The following ARHGAP42 variants were observed in gnomAD, a reference collection of about 807,000 sequenced individuals.
The protein encoded by ARHGAP42 is rho GTPase-activating protein 42.
Under a neutral mutation model 125.0 loss-of-function variants are expected in ARHGAP42, and 63 were observed. The ratio of observed to expected loss-of-function variants is 0.50; its 90% CI spans 0.41 to 0.62. The LOEUF is 0.62. Ranked by LOEUF, ARHGAP42 falls within the 20% of genes least tolerant of loss-of-function variation. The pLI, the probability that ARHGAP42 is intolerant of heterozygous loss-of-function variation, is 0.00. For synonymous variants in ARHGAP42, 339 were observed against 351.0 expected, an observed-to-expected ratio of 0.97 and a Z score of 0.38; for missense variants, 766 against 1,024.2, an observed-to-expected ratio of 0.75 and a Z score of 3.44.
chr11:100,909,642 A>AT (rs1866856249), intron 4 of ARHGAP42, among the ~76,000 whole-genome samples: 1 of 151,962 alleles, frequency 6.6e-6, no homozygotes, highest in Admixed American at 6.6e-5. Flanking sequence ...GCCTTCTAGG[A>AT]TTTTTATAGT....
chr11:100,891,335 TAA>T (rs1364719435), intron 4 of ARHGAP42, among the ~76,000 whole-genome samples: 1 of 152,088 alleles, frequency 6.6e-6, no homozygotes, highest in Non-Finnish European at 1.5e-5. Flanking sequence ...GTGTTCAGTC[TAA>T]AAACATTTAT....
At chr11:100,702,774 C>T (rs776127526) in intron 1 of ARHGAP42, among the ~76,000 whole-genome samples, 2 of 151,446 alleles carry the variant, frequency 1.3e-5, no homozygotes, top group Non-Finnish European at 2.9e-5. Context: ...CAGGTTCAAG[C>T]GATTCTCCTG....
At chr11:100,875,938 A>T (rs768048200) in intron 4 of ARHGAP42, among the ~76,000 whole-genome samples, 37 of 152,262 alleles carry the variant, frequency 2.4e-4, no homozygotes, top group Non-Finnish European at 4.1e-4. Flanking sequence ...TGTGGTTGTT[A>T]TCTTGTTACA....
intron 3 of ARHGAP42, among the ~76,000 whole-genome samples, chr11:100,806,814 A>AT (rs1423727815): frequency 6.9e-6 from 1 of 145,376 alleles, no homozygotes; most frequent in Non-Finnish European, 1.5e-5. Flanking sequence ...TCATTTTTAA[A>AT]TTTTTTATTT....
At chr11:100,889,588 A>G (rs1866172144) in intron 4 of ARHGAP42, among the ~76,000 whole-genome samples, 1 of 152,160 alleles carries the variant, frequency 6.6e-6, no homozygotes, top group Non-Finnish European at 1.5e-5. Flanking sequence ...GACTAAGACA[A>G]CGAGGTTAAA....
chr11:100,792,734 C>T (rs1035788187), intron 2 of ARHGAP42, among the ~76,000 whole-genome samples: 16 of 146,778 alleles, frequency 1.1e-4, no homozygotes, highest in African/African-American at 4.0e-4. Flanking sequence ...CAGGAATTAA[C>T]AATTGACTTG....
chr11:100,879,941 A>T (rs1002475487), intron 4 of ARHGAP42, among the ~76,000 whole-genome samples: 1 of 152,000 alleles, frequency 6.6e-6, no homozygotes, highest in Non-Finnish European at 1.5e-5. Context: ...AAGTCATTGA[A>T]CCCTCATCCC....
At chr11:100,960,327 C>G (rs1255917169) in intron 13 of ARHGAP42, among the ~76,000 whole-genome samples, 14 of 151,788 alleles carry the variant, frequency 9.2e-5, no homozygotes, top group Non-Finnish European at 2.1e-4. Context: ...TGATTTGTCA[C>G]TGCCACAGTT....
intron 1 of ARHGAP42, among the ~76,000 whole-genome samples, chr11:100,725,528 C>CA (rs199785620): frequency 0.011 from 1,622 of 152,008 alleles, 23 homozygotes; most frequent in African/African-American, 0.036. Context: ...CATGGAGAAT[C>CA]ACGCCTGTAA....
At chr11:100,756,483 A>C (rs1366804559) in intron 1 of ARHGAP42, among the ~76,000 whole-genome samples, 1 of 152,192 alleles carries the variant, frequency 6.6e-6, no homozygotes, top group South Asian at 2.1e-4. Flanking sequence ...TAAAATTTGT[A>C]GTATTTGTGG....
chr11:100,751,277 GTGTTTTTTT>G (rs1862447984), intron 1 of ARHGAP42, among the ~76,000 whole-genome samples: 1 of 121,624 alleles, frequency 8.2e-6, no homozygotes. Context: ...GTGTGTGTGT[GTGTTTTTTT>G]TTTTTTTTTT....
Position 100,795,144 on chromosome 11 carries a change from TAGA to T in ARHGAP42, c.298_300del (p.Glu100del). The T allele has an allele frequency of 6.5e-7, 1 of 1,544,070 alleles. No individual in the cohort carries two copies. The highest frequency in any genetic ancestry group is 8.7e-7 in the Non-Finnish European group (1 of 1,143,522). ...GAATTTGCAAGACTACTCATTGCAG[TAGA>T]AGAAGAAAGGCGAAGACTGGTAAGT... is the stretch of plus-strand genomic sequence containing the variant. On this transcript the variant is annotated inframe_deletion, in exon 3 of 24. Coordinates refer to ENST00000298815, the MANE Select transcript of ARHGAP42 (RefSeq NM_152432.4).
intron 2 of ARHGAP42, among the ~76,000 whole-genome samples, chr11:100,793,795 G>A (rs1022585175): frequency 3.9e-5 from 6 of 152,094 alleles, no homozygotes; most frequent in South Asian, 2.1e-4. Flanking sequence ...TGTATGGCCC[G>A]GTGCAATGGC....
At chr11:100,702,970 T>TTTGTGTTCTAA (rs1227979070) in intron 1 of ARHGAP42, among the ~76,000 whole-genome samples, 5 of 152,038 alleles carry the variant, frequency 3.3e-5, no homozygotes, top group Non-Finnish European at 7.4e-5. Flanking sequence ...TGCCTGGATA[T>TTTGTGTTCTAA]TTGTGTTCTA....
intron 11 of ARHGAP42, among the ~76,000 whole-genome samples, chr11:100,948,897 C>T (rs1192108927): frequency 6.6e-6 from 1 of 152,058 alleles, no homozygotes; most frequent in East Asian, 1.9e-4. Context: ...GAGTGATGAA[C>T]AAGGTTCAGG....
chr11:100,977,005 C>T (rs1293189866), intron 21 of ARHGAP42, 34 bp downstream of exon 21: 15 of 1,548,538 alleles, frequency 9.7e-6, no homozygotes, highest in Non-Finnish European at 1.3e-5. Flanking sequence ...CTGTGTCTCC[C>T]AGGGATACAG....
rs201928061 is a variant in ARHGAP42 at position 100,801,593 on chromosome 11, A to AT, written c.312+6435dup. 2.3e-3 allele frequency among the ~76,000 whole-genome samples: 349 copies of AT among 152,054 alleles called. 1 individual carries two copies. The highest frequency in any genetic ancestry group is 4.8e-3 in the Admixed American group (73 of 15,250). ...CTCCTTCTAACTTTAAATATTGAGG[A>AT]TTTTTTTTGTTTTGTTTTGTTGTTT... On this transcript the variant is annotated intron_variant, in intron 3 of 23. Coordinates refer to ENST00000298815, the MANE Select transcript of ARHGAP42 (RefSeq NM_152432.4).
intron 3 of ARHGAP42, among the ~76,000 whole-genome samples, chr11:100,840,342 G>A (rs568850261): frequency 2.0e-5 from 3 of 152,164 alleles, no homozygotes; most frequent in African/African-American, 7.2e-5. Context: ...ATTAAGTTTG[G>A]AAATGTTCCT....
intron 1 of ARHGAP42, among the ~76,000 whole-genome samples, chr11:100,697,477 CG>C (rs1201785245): frequency 6.6e-6 from 1 of 152,158 alleles, no homozygotes; most frequent in African/African-American, 2.4e-5. Flanking sequence ...CCACCGCGCC[CG>C]GCCAATCAGT....
Sources: gnomAD v4.1 joint callset for allele counts (sites outside exome capture counted in the v4.1 genomes callset) on GRCh38, gnomAD v4.1.1 for gene constraint, MANE v1.5 for transcripts, NCBI Gene and HGNC (gene_info 2026-07-23, HGNC 2026-07-21) for gene names.